The following SLC10A6 variants were observed in gnomAD, a reference collection of about 807,000 sequenced individuals.
SLC10A6 encodes the protein solute carrier family 10 member 6, also known as sodium-dependent organic anion transporter.
SLC10A6 carries 27 observed loss-of-function variants against 30.0 expected under a neutral mutation model. The observed-to-expected ratio is 0.90, with a 90% confidence interval of 0.66 to 1.24. The LOEUF (loss-of-function observed/expected upper bound fraction) is 1.24. Ranked by LOEUF, SLC10A6 falls within the 50% of genes most tolerant of loss-of-function variation. The pLI is 0.00. For missense variants in SLC10A6, 439 were observed against 457.0 expected (o/e 0.96, Z 0.36); for synonymous variants, 166 against 173.8 (o/e 0.95, Z 0.36).
At chr4:86,842,967 G>T (rs1232647841) in intron 1 of SLC10A6, among the ~76,000 whole-genome samples, 1 of 150,942 alleles carries the variant, frequency 6.6e-6, no homozygotes, top group African/African-American at 2.4e-5. Flanking sequence ...TGCCTCCTGG[G>T]TCCAAGCATT....
At position 86,835,612 on chromosome 4, in the gene SLC10A6, AGCCACGATCAT is replaced by A. The variant is rs1204664628; in HGVS notation, c.378-2199_378-2189del. On this transcript the variant is annotated intron_variant, in intron 1 of 5. Transcript: ENST00000273905. ...GACCCAGGAGGCGGAGGTTGCAGTGAGCCACGATCATGCCACTGCACTCCAGCCTGGGCAAC... is the reference window on the plus strand; with the variant it reads ...GACCCAGGAGGCGGAGGTTGCAGTGAGCCACTGCACTCCAGCCTGGGCAAC... Among the ~76,000 whole-genome samples the A allele has an allele frequency of 5.3e-5, 8 of 152,192 alleles. No homozygotes were observed. In the East Asian group the frequency reaches 1.5e-3, roughly 29 times the overall value.
intron 1 of SLC10A6, among the ~76,000 whole-genome samples, chr4:86,834,087 C>T (rs554784556): frequency 6.6e-5 from 10 of 152,202 alleles, no homozygotes; most frequent in Admixed American, 1.3e-4. Context: ...ACGTTGGAGG[C>T]GGGGGCAAGT....
Position 86,823,678 on chromosome 4 carries a change from C to G in SLC10A6, c.*10G>C. 1 of 1,578,528 alleles carries G rather than the reference C, an allele frequency of 6.3e-7. No homozygotes were observed. The highest frequency in any genetic ancestry group is 1.4e-5 in the African/African-American group (1 of 73,988). On this transcript the variant is annotated 3_prime_UTR_variant, in exon 6 of 6. Transcript: ENST00000273905. ...AAAAGAAGGGGGCCAGTCCAGCCAG[C>G]TAGTCCCTGCTATTCACATGAAGTG...
chr4:86,824,458 C>A (rs1032483030), intron 5 of SLC10A6, among the ~76,000 whole-genome samples: 2 of 152,080 alleles, frequency 1.3e-5, no homozygotes, highest in Non-Finnish European at 2.9e-5. Context: ...AATCAGCAAT[C>A]AGTATATAAT....
At chr4:86,846,129 ATT>A (rs1746386735) in intron 1 of SLC10A6, among the ~76,000 whole-genome samples, 1 of 152,306 alleles carries the variant, frequency 6.6e-6, no homozygotes, top group South Asian at 2.1e-4. Context: ...CTTAAAACTG[ATT>A]TTTTGTTGGT....
chr4:86,845,223 A>T (rs761123560), intron 1 of SLC10A6, among the ~76,000 whole-genome samples: 32 of 152,364 alleles, frequency 2.1e-4, no homozygotes, highest in Admixed American at 2.6e-4. Context: ...ATAAGGAAGA[A>T]CAACATCATG....
chr4:86,833,778 T>C (rs1746130449), intron 1 of SLC10A6, among the ~76,000 whole-genome samples: 1 of 152,198 alleles, frequency 6.6e-6, no homozygotes, highest in South Asian at 2.1e-4. Flanking sequence ...CAGTTTTTAG[T>C]ATAGTCACAA....
chr4:86,831,365 T>A (rs1005642769), intron 3 of SLC10A6, among the ~76,000 whole-genome samples: 27 of 152,334 alleles, frequency 1.8e-4, no homozygotes, highest in African/African-American at 6.5e-4. Context: ...ACCCCAGGAA[T>A]GCTTCTGCAA....
intron 1 of SLC10A6, among the ~76,000 whole-genome samples, chr4:86,839,627 AC>A (rs939362738): frequency 2.0e-5 from 3 of 152,190 alleles, no homozygotes; most frequent in African/African-American, 7.2e-5. Flanking sequence ...CACTTCATTA[AC>A]CATAGGTCAG....
intron 1 of SLC10A6, among the ~76,000 whole-genome samples, chr4:86,846,914 A>T (rs1477328374): frequency 6.6e-6 from 1 of 152,186 alleles, no homozygotes; most frequent in Non-Finnish European, 1.5e-5. Flanking sequence ...AAAGAAAGTA[A>T]AAGTAGCTTT....
At chr4:86,848,597 T>C (rs1011593071) in intron 1 of SLC10A6, 142 bp downstream of exon 1, 12 of 1,147,434 alleles carry the variant, frequency 1.0e-5, no homozygotes, top group Non-Finnish European at 1.2e-5. Flanking sequence ...CACCCATGGC[T>C]GAACAAGTCT....
At chr4:86,828,298 A>G (rs1746029766) in intron 3 of SLC10A6, 130 bp from the exon 4 acceptor site, 1 of 948,606 alleles carries the variant, frequency 1.1e-6, no homozygotes, top group African/African-American at 1.7e-5. Flanking sequence ...GAGATGACTA[A>G]ATACAATTTC....
chr4:86,848,493 TCCACTGCTCAGAACGCATC>T (rs1226002244), intron 1 of SLC10A6, among the ~76,000 whole-genome samples: 91 of 152,300 alleles, frequency 6.0e-4, no homozygotes, highest in Middle Eastern at 3.4e-3. Context: ...CAGACCTGCC[TCCACTGCTCAGAACGCATC>T]CCACTGCTCA....
Position 86,823,660 on chromosome 4 carries a change from G to T in SLC10A6, c.*28C>A, listed in dbSNP as rs1745919204. On this transcript the variant is annotated 3_prime_UTR_variant, in exon 6 of 6. Coordinates refer to ENST00000273905, the MANE Select transcript of SLC10A6 (RefSeq NM_197965.3). ...GTCTTTACTGGCCACTGAAAAAGAA[G>T]GGGGCCAGTCCAGCCAGCTAGTCCC... 2 of 1,539,752 alleles carry T rather than the reference G, an allele frequency of 1.3e-6. No individual in the cohort carries two copies. The highest frequency in any genetic ancestry group is 2.8e-5 in the African/African-American group (2 of 72,568).
chr4:86,829,598 T>C (rs1226337385), intron 3 of SLC10A6, among the ~76,000 whole-genome samples: 1 of 151,756 alleles, frequency 6.6e-6, no homozygotes, highest in Non-Finnish European at 1.5e-5. Context: ...TTCCTCTCTC[T>C]ACCAAAGATT....
At chr4:86,842,786 T>TTTTCTTTCCTTCTTTC (rs1746313050) in intron 1 of SLC10A6, among the ~76,000 whole-genome samples, 1 of 106,696 alleles carries the variant, frequency 9.4e-6, no homozygotes, top group Non-Finnish European at 1.9e-5. Context: ...TGGACACCTC[T>TTTTCTTTCCTTCTTTC]TTTCTTTCTT....
chr4:86,835,434 A>G (rs1197833983), intron 1 of SLC10A6, among the ~76,000 whole-genome samples: 1 of 152,344 alleles, frequency 6.6e-6, no homozygotes, highest in African/African-American at 2.4e-5. Context: ...TGGGAGGCCA[A>G]GGCGGGCAGA....
intron 1 of SLC10A6, among the ~76,000 whole-genome samples, chr4:86,840,727 A>G (rs1746275702): frequency 6.6e-6 from 1 of 152,206 alleles, no homozygotes; most frequent in African/African-American, 2.4e-5. Flanking sequence ...TATTTTCTGG[A>G]AATTCTCTTC....
chr4:86,843,091 G>A (rs534647062), intron 1 of SLC10A6, among the ~76,000 whole-genome samples: 5 of 151,964 alleles, frequency 3.3e-5, no homozygotes, highest in African/African-American at 9.6e-5. Flanking sequence ...GGCTGGTCTC[G>A]AACTCCTGAC....
Sources: allele counts gnomAD v4.1 joint callset (sites outside exome capture counted in the v4.1 genomes callset), GRCh38; gene constraint gnomAD v4.1.1; transcripts MANE v1.5; gene names NCBI Gene and HGNC (gene_info 2026-07-23, HGNC 2026-07-21).